PLXDC1: variants seen among roughly 807,000 people sequenced by gnomAD.
PLXDC1 encodes plexin domain containing 1, also known as plexin domain-containing protein 1.
Under a neutral mutation model 61.3 loss-of-function variants are expected in PLXDC1, and 39 were observed. That is an observed-to-expected ratio of 0.64 (90% CI 0.49 to 0.83). The LOEUF (loss-of-function observed/expected upper bound fraction) is 0.83. PLXDC1 is among the 40% of genes least tolerant of loss of function. PLXDC1 has a pLI of 0.00. For synonymous variants in PLXDC1, 212 were observed against 254.5 expected (o/e 0.83, Z 1.59); for missense variants, 596 against 666.5 (o/e 0.89, Z 1.17).
intron 1 of PLXDC1, among the ~76,000 whole-genome samples, chr17:39,150,816 C>G (rs2045367629): frequency 6.6e-6 from 1 of 152,180 alleles, no homozygotes. Flanking sequence ...CCCACTGCCT[C>G]TCTACTGACA....
chr17:39,105,880 A>G lies in PLXDC1; in HGVS notation c.785T>C (p.Ile262Thr), dbSNP rs369069699. Reference protein sequence around the residue: ...VKTGLSDAFMILNPSPDVPES... With the variant: ...VKTGLSDAFMTLNPSPDVPES... The stretch of plus-strand genomic sequence containing the variant: ...TGGCACATCCGGGGATGGATTGAGA[A>G]TCATGAAGGCATCCGATAGGCCGGT... The change falls in exon 7 of 14, where the codon ATT becomes ACT. Residue 262 changes from isoleucine (I) to threonine (T), a missense_variant. Physicochemically the swap from Ile to Thr is moderately conservative, Grantham distance 89. Coordinates refer to ENST00000315392, the MANE Select transcript of PLXDC1 (RefSeq NM_020405.5). The G allele has an allele frequency of 2.5e-6, 4 of 1,613,680 alleles. No individual in the cohort carries two copies.
At chr17:39,080,607 G>A (rs1030430214) in intron 9 of PLXDC1, 4 of 152,228 alleles carry the variant, frequency 2.6e-5, no homozygotes, top group African/African-American at 7.2e-5. Context: ...CCTGCCCTCC[G>A]GGTTTTTAGG....
At chr17:39,139,510 C>T in intron 2 of PLXDC1, 144 bp downstream of exon 2, 1 of 725,492 alleles carries the variant, frequency 1.4e-6, no homozygotes, top group Non-Finnish European at 2.2e-6. Context: ...CATCCCCTCC[C>T]CGGGGATTCT....
At chr17:39,080,620 C>G (rs1316240806) in intron 9 of PLXDC1, 1 of 152,186 alleles carries the variant, frequency 6.6e-6, no homozygotes, top group Non-Finnish European at 1.5e-5. Context: ...TTTTTAGGGA[C>G]CTAGGTTCAG....
At chr17:39,079,634 G>T in intron 9 of PLXDC1, 1 of 443,500 alleles carries the variant, frequency 2.3e-6, no homozygotes, top group Admixed American at 2.4e-5. Context: ...TGCCAGAGAG[G>T]CTGGGAGACA....
In PLXDC1 at chr17:39,143,065, G is replaced by T. The variant is rs184452377; in HGVS notation, c.77-3233C>A. 1.9e-3 allele frequency among the ~76,000 whole-genome samples: 290 copies of T among 152,252 alleles called. 2 individuals carry two copies. Among genetic ancestry groups the T allele is most frequent in the African/African-American group, 5.8e-3 (241 of 41,544 alleles). ...AGGCAGGAGAATTGCTTGAACCTGG[G>T]AGGCAGAGGTTGCAGTGAGCCGAGA... On this transcript the variant is annotated intron_variant, in intron 1 of 13. Transcript: ENST00000315392.
chr17:39,087,052 C>A (rs1392701572), intron 8 of PLXDC1, among the ~76,000 whole-genome samples: 1 of 152,150 alleles, frequency 6.6e-6, no homozygotes, highest in Non-Finnish European at 1.5e-5. Context: ...TCCCGAAGAG[C>A]ATCCACCGCG....
At chr17:39,074,634 G>A (rs1909253128) in intron 11 of PLXDC1, among the ~76,000 whole-genome samples, 1 of 152,116 alleles carries the variant, frequency 6.6e-6, no homozygotes, top group South Asian at 2.1e-4. Flanking sequence ...TTTAGGCTTG[G>A]CCCCCAAGTG....
chr17:39,074,861 A>G (rs550406705), intron 11 of PLXDC1, among the ~76,000 whole-genome samples: 3 of 152,250 alleles, frequency 2.0e-5, no homozygotes, highest in Admixed American at 2.0e-4. Flanking sequence ...TTGTAGGAGG[A>G]GCTTTCTTTG....
chr17:39,136,652 G>GA (rs374701291), intron 2 of PLXDC1, among the ~76,000 whole-genome samples: 6 of 151,878 alleles, frequency 4.0e-5, no homozygotes, highest in Non-Finnish European at 7.4e-5. Flanking sequence ...GAGCAGAGGG[G>GA]AAAAAAATCT....
At chr17:39,136,554 T>G (rs1293563974) in intron 2 of PLXDC1, among the ~76,000 whole-genome samples, 7 of 151,530 alleles carry the variant, frequency 4.6e-5, no homozygotes, top group African/African-American at 1.5e-4. Flanking sequence ...CGGCCCAAAG[T>G]TTTAAAGAAA....
chr17:39,118,737 T>C (rs900828768), intron 2 of PLXDC1, among the ~76,000 whole-genome samples: 1 of 152,138 alleles, frequency 6.6e-6, no homozygotes, highest in Non-Finnish European at 1.5e-5. Context: ...TGGACATAGG[T>C]AATCACATGA....
At chr17:39,078,413 C>T (rs540729500) in intron 10 of PLXDC1, among the ~76,000 whole-genome samples, 4 of 152,194 alleles carry the variant, frequency 2.6e-5, no homozygotes, top group African/African-American at 4.8e-5. Flanking sequence ...CCCCTGTGAT[C>T]GATCAATGGG....
chr17:39,087,090 G>T (rs1909770615), intron 8 of PLXDC1, among the ~76,000 whole-genome samples: 1 of 152,172 alleles, frequency 6.6e-6, no homozygotes, highest in Non-Finnish European at 1.5e-5. Context: ...AACAGCAGGT[G>T]GCTGCCTTCA....
intron 1 of PLXDC1, among the ~76,000 whole-genome samples, chr17:39,143,416 G>A (rs947930730): frequency 6.6e-6 from 1 of 152,162 alleles, no homozygotes; most frequent in Non-Finnish European, 1.5e-5. Flanking sequence ...GAGCACCTAC[G>A]TGTGCGACTA....
At chr17:39,103,156 A>G (rs1910483719) in intron 7 of PLXDC1, among the ~76,000 whole-genome samples, 1 of 151,704 alleles carries the variant, frequency 6.6e-6, no homozygotes. Flanking sequence ...TGGAGCTTGC[A>G]GTGAGCTGAG....
At chr17:39,085,322 G>A (rs902910610) in intron 8 of PLXDC1, among the ~76,000 whole-genome samples, 1 of 152,232 alleles carries the variant, frequency 6.6e-6, no homozygotes, top group Non-Finnish European at 1.5e-5. Context: ...GATGGAAAGA[G>A]CCATGGGCAG....
chr17:39,079,664 CG>C, intron 9 of PLXDC1: 1 of 422,400 alleles, frequency 2.4e-6, no homozygotes, highest in Admixed American at 2.4e-5. Flanking sequence ...CAAGGGTCTC[CG>C]GAGAGGGCAT....
intron 2 of PLXDC1, among the ~76,000 whole-genome samples, chr17:39,118,822 G>A (rs1162463674): frequency 6.6e-6 from 1 of 152,160 alleles, no homozygotes; most frequent in East Asian, 1.9e-4. Flanking sequence ...TCACCACCCG[G>A]GAGGGTGAAA....
Sources: allele counts gnomAD v4.1 joint callset (sites outside exome capture counted in the v4.1 genomes callset), GRCh38; gene constraint gnomAD v4.1.1; transcripts MANE v1.5; gene names NCBI Gene and HGNC (gene_info 2026-07-23, HGNC 2026-07-21).